ULK4: variants seen among roughly 807,000 people sequenced by gnomAD.
ULK4 encodes unc-51 like kinase 4, also known as inactive serine/threonine-protein kinase ULK4.
Under a neutral mutation model 160.6 loss-of-function variants are expected in ULK4, and 133 were observed. The ratio of observed to expected loss-of-function variants is 0.83; its 90% CI spans 0.72 to 0.96. ULK4 has a LOEUF of 0.96. ULK4 is among the 40% of genes least tolerant of loss of function. The probability of loss-of-function intolerance (pLI) is 0.00; values close to 1 mark genes in which losing one functional copy is unlikely to be tolerated. For synonymous variants in ULK4, 534 were observed against 539.8 expected (o/e 0.99, Z 0.15); for missense variants, 1,580 against 1,499.5 (o/e 1.05, Z -0.89).
chr3:41,826,368 T>C (rs1014232366), intron 18 of ULK4, among the ~76,000 whole-genome samples: 1 of 152,094 alleles, frequency 6.6e-6, no homozygotes, highest in Non-Finnish European at 1.5e-5. Context: ...ACTGGCAAAC[T>C]GGATCAAGAG....
chr3:41,590,114 T>C (rs1437528144), intron 31 of ULK4, among the ~76,000 whole-genome samples: 2 of 151,824 alleles, frequency 1.3e-5, no homozygotes, highest in Non-Finnish European at 2.9e-5. Context: ...GCCATTCTCC[T>C]GCCTCAGCCA....
At chr3:41,957,872 A>G (rs966936009) in intron 1 of ULK4, among the ~76,000 whole-genome samples, 9 of 151,960 alleles carry the variant, frequency 5.9e-5, no homozygotes, top group East Asian at 1.9e-4. Context: ...CATCTCTACA[A>G]GATATTTAAA....
At position 41,783,029 on chromosome 3, in the gene ULK4, C is replaced by CAA. The variant is rs78538200; in HGVS notation, c.2193+6630_2193+6631dup. ...AGAGTTGGGTTGGTCCAATTTCTACCAAAAAAAAAAAAAAGACTAATAGCA... is the reference window on the plus strand; with the variant it reads ...AGAGTTGGGTTGGTCCAATTTCTACCAAAAAAAAAAAAAAAAGACTAATAGCA... On this transcript the variant is annotated intron_variant, in intron 21 of 36. Coordinates refer to ENST00000301831, the MANE Select transcript of ULK4 (RefSeq NM_017886.4). Among the ~76,000 whole-genome samples the CAA allele has an allele frequency of 1.4e-3, 157 of 115,630 alleles. 1 individual carries two copies. The highest frequency in any genetic ancestry group is 3.9e-3 in the African/African-American group (142 of 36,098). 75.9% of individuals were successfully genotyped at this position (115,630 alleles called of 152,430 possible).
intron 19 of ULK4, among the ~76,000 whole-genome samples, chr3:41,802,737 G>A (rs949737025): frequency 6.6e-6 from 1 of 152,042 alleles, no homozygotes; most frequent in Admixed American, 6.6e-5. Flanking sequence ...TTAGGAATTT[G>A]CATATCACTA....
chr3:41,314,815 CTG>C (rs35458996), intron 35 of ULK4, among the ~76,000 whole-genome samples: 54 of 149,186 alleles, frequency 3.6e-4, no homozygotes, highest in Admixed American at 4.7e-4. Flanking sequence ...TGCAGTGTGT[CTG>C]TGTGTGTGTG....
chr3:41,845,379 G>GA (rs1241384669), intron 17 of ULK4, among the ~76,000 whole-genome samples: 6 of 152,064 alleles, frequency 3.9e-5, no homozygotes, highest in Non-Finnish European at 8.8e-5. Context: ...CAACCTAGAT[G>GA]AATTTCCAGA....
At chr3:41,795,628 G>C (rs539160046) in intron 20 of ULK4, among the ~76,000 whole-genome samples, 1 of 152,092 alleles carries the variant, frequency 6.6e-6, no homozygotes, top group Non-Finnish European at 1.5e-5. Flanking sequence ...ACCTTAAAGC[G>C]GTCATCAATT....
At chr3:41,772,940 C>G (rs1304760729) in intron 21 of ULK4, among the ~76,000 whole-genome samples, 1 of 152,162 alleles carries the variant, frequency 6.6e-6, no homozygotes, top group Admixed American at 6.5e-5. Context: ...CAACATAATC[C>G]AGCATATAAA....
chr3:41,487,114 AACT>A (rs1261763159), intron 32 of ULK4, among the ~76,000 whole-genome samples: 1 of 152,216 alleles, frequency 6.6e-6, no homozygotes, highest in Non-Finnish European at 1.5e-5. Flanking sequence ...TTCATAACTA[AACT>A]ACAACTTAAG....
chr3:41,812,643 T>G (rs61283393), intron 19 of ULK4, among the ~76,000 whole-genome samples: 18,826 of 152,106 alleles, frequency 0.12, 1,347 homozygotes, highest in Middle Eastern at 0.26. Context: ...CTTGGTGGTG[T>G]TCGCTATTTA....
intron 34 of ULK4, among the ~76,000 whole-genome samples, chr3:41,421,872 C>T (rs1163348409): frequency 2.0e-5 from 3 of 152,098 alleles, no homozygotes; most frequent in African/African-American, 7.2e-5. Context: ...CACGTAAAAC[C>T]ATCTAAGCTT....
At chr3:41,415,409 CA>C (rs1403337341) in intron 34 of ULK4, among the ~76,000 whole-genome samples, 2 of 152,114 alleles carry the variant, frequency 1.3e-5, no homozygotes, top group African/African-American at 4.8e-5. Flanking sequence ...TGTGCCCCTA[CA>C]AACCTGTGCC....
intron 35 of ULK4, among the ~76,000 whole-genome samples, chr3:41,360,753 T>A (rs777454741): frequency 8.6e-5 from 13 of 151,764 alleles, no homozygotes; most frequent in Non-Finnish European, 1.6e-4. Flanking sequence ...ACAACACACA[T>A]TGGGGCCTGT....
At chr3:41,333,939 A>G (rs112123677) in intron 35 of ULK4, among the ~76,000 whole-genome samples, 1,976 of 152,294 alleles carry the variant, frequency 0.013, 46 homozygotes, top group African/African-American at 0.045. Context: ...AAGTTAATAA[A>G]GCTTCCAGAC....
At chr3:41,384,362 A>C (rs2081748812) in intron 35 of ULK4, among the ~76,000 whole-genome samples, 1 of 152,188 alleles carries the variant, frequency 6.6e-6, no homozygotes, top group African/African-American at 2.4e-5. Context: ...GGAAATAATA[A>C]ATTCAGTATG....
chr3:41,278,665 G>T (rs2079279852), intron 35 of ULK4, among the ~76,000 whole-genome samples: 1 of 152,190 alleles, frequency 6.6e-6, no homozygotes, highest in Admixed American at 6.5e-5. Context: ...AAAGGGTCTG[G>T]AGTGGACCTC....
chr3:41,917,236 G>A (rs1436713809), intron 7 of ULK4, among the ~76,000 whole-genome samples: 2 of 152,094 alleles, frequency 1.3e-5, no homozygotes, highest in Non-Finnish European at 2.9e-5. Flanking sequence ...ACACATTGTG[G>A]CTCATACTTG....
chr3:41,840,289 T>G (rs904351532), intron 17 of ULK4, among the ~76,000 whole-genome samples: 1 of 152,102 alleles, frequency 6.6e-6, no homozygotes, highest in African/African-American at 2.4e-5. Context: ...AAAAAAGAGT[T>G]AGCCAGGCAT....
In ULK4 at chr3:41,911,602, A is replaced by T. The variant is rs778643715; in HGVS notation, c.954T>A (p.Ser318=). Residue 318 remains serine, a synonymous_variant, in exon 10 of 37, where the codon TCT becomes TCA. Transcript: ENST00000301831. ...TGTGCCCTTTTGCTTGTCTACTCTG[A>T]GAGTTCTGCAAAAGCTCCTTGGAAT... ...PQDSKELLQN[S]QSRQAKGHKS... is the part of the protein sequence containing the mutation. 8 of 1,613,908 alleles carry T rather than the reference A, an allele frequency of 5.0e-6. No homozygotes were observed. In the Admixed American group the frequency reaches 1.3e-4, roughly 27 times the overall value.
Sources: allele counts gnomAD v4.1 joint callset (sites outside exome capture counted in the v4.1 genomes callset), GRCh38; gene constraint gnomAD v4.1.1; transcripts MANE v1.5; gene names NCBI Gene and HGNC (gene_info 2026-07-23, HGNC 2026-07-21).